The following BIRC2 variants were observed in gnomAD, a reference collection of about 807,000 sequenced individuals.
BIRC2 encodes baculoviral IAP repeat containing 2.
Under a neutral mutation model 60.9 loss-of-function variants are expected in BIRC2, and 18 were observed. The ratio of observed to expected loss-of-function variants is 0.30; its 90% CI spans 0.20 to 0.44. The LOEUF is 0.44. BIRC2 is among the 20% of genes least tolerant of loss of function. The probability of loss-of-function intolerance (pLI) is 1.00; values close to 1 mark genes in which losing one functional copy is unlikely to be tolerated. For missense variants in BIRC2, 701 were observed against 728.5 expected, an observed-to-expected ratio of 0.96 and a Z score of 0.43; for synonymous variants, 282 against 247.7, an observed-to-expected ratio of 1.14 and a Z score of -1.30.
intron 6 of BIRC2, among the ~76,000 whole-genome samples, chr11:102,376,512 TG>T (rs1232239633): frequency 1.3e-5 from 2 of 152,232 alleles, no homozygotes; most frequent in Non-Finnish European, 2.9e-5. Context: ...CTCATTAAAC[TG>T]GTACTTTGTA....
chr11:102,356,200 T>C (rs1023278436), intron 3 of BIRC2, among the ~76,000 whole-genome samples: 41 of 151,186 alleles, frequency 2.7e-4, no homozygotes, highest in South Asian at 4.2e-4. Context: ...GAAAGCTTTT[T>C]TTTTTTTTTT....
chr11:102,374,143 C>T (rs1372107958), intron 6 of BIRC2, among the ~76,000 whole-genome samples: 1 of 150,298 alleles, frequency 6.7e-6, no homozygotes, highest in African/African-American at 2.5e-5. Flanking sequence ...GTAATTTGAT[C>T]GTCTGAAGCC....
At position 102,350,315 on chromosome 11, in the gene BIRC2, C is replaced by T. The variant is rs1306163467; in HGVS notation, c.461C>T (p.Ser154Phe). The T allele has an allele frequency of 6.2e-7, 1 of 1,614,212 alleles. No homozygotes were observed. The highest frequency in any genetic ancestry group is 2.2e-5 in the East Asian group (1 of 44,890). The change falls in exon 2 of 9, where the codon TCC becomes TTC. Residue 154 changes from serine (S) to phenylalanine (F), a missense_variant. Physicochemically the swap from Ser to Phe is radical, Grantham distance 155. Transcript: ENST00000227758. The part of the protein sequence containing the change: ...EHSSLFSGSY[S>F]SLSPNPLNSR... ...AGTAGCTTGTTCAGTGGTTCTTACT[C>T]CAGCCTTTCTCCAAACCCTCTTAAT...
intron 5 of BIRC2, among the ~76,000 whole-genome samples, chr11:102,367,032 CA>C (rs1295534360): frequency 5.9e-5 from 9 of 152,124 alleles, no homozygotes; most frequent in African/African-American, 2.2e-4. Flanking sequence ...TTCCATAGCT[CA>C]CTCCTTTTTC....
Position 102,347,236 on chromosome 11 carries a change from G to C in BIRC2, c.-1398G>C, listed in dbSNP as rs1432500248. 1.3e-5 allele frequency: 2 copies of C among 152,300 alleles called. No homozygotes were observed. The highest frequency in any genetic ancestry group is 2.9e-5 in the Non-Finnish European group (2 of 68,064). 9.4% of individuals were successfully genotyped at this position (152,300 alleles called of 1,614,324 possible). ...GTCATCGTGCGTCAGAGTGAGCCCG[G>C]ATGGGGCGGCGGGCTTCGGGAGCGC... On this transcript the variant is annotated 5_prime_UTR_variant, in exon 1 of 9. Transcript: ENST00000227758.
intron 6 of BIRC2, among the ~76,000 whole-genome samples, chr11:102,373,527 C>T (rs1050296246): frequency 0.016 from 2,417 of 151,634 alleles, 54 homozygotes; most frequent in African/African-American, 0.055. Context: ...GGGTTTCTGC[C>T]GAGAGATCCG....
chr11:102,377,457 TTAAAATC>T (rs1164869801), intron 6 of BIRC2, 32 bp from the exon 7 acceptor site: 2 of 1,554,138 alleles, frequency 1.3e-6, no homozygotes, highest in Admixed American at 2.0e-5. Flanking sequence ...TTAAAGGAGT[TTAAAATC>T]TAATGGATTT....
At chr11:102,366,504 C>A (rs1951554474) in intron 5 of BIRC2, among the ~76,000 whole-genome samples, 1 of 151,936 alleles carries the variant, frequency 6.6e-6, no homozygotes, top group East Asian at 1.9e-4. Context: ...GTAGCTGGGA[C>A]TACAGGCGCC....
rs960568242 is a variant in BIRC2 at position 102,350,333 on chromosome 11, C to G, written c.479C>G (p.Pro160Arg). 2.4e-5 allele frequency: 38 copies of G among 1,614,102 alleles called. No individual in the cohort carries two copies. Among genetic ancestry groups the G allele is most frequent in the African/African-American group, 4.0e-5 (3 of 74,922 alleles). Reference sequence around the variant, plus strand: ...TCTTACTCCAGCCTTTCTCCAAACCCTCTTAATTCTAGAGCAGTTGAAGAC... The same window carrying G: ...TCTTACTCCAGCCTTTCTCCAAACCGTCTTAATTCTAGAGCAGTTGAAGAC... The part of the protein sequence containing the change: ...SGSYSSLSPN[P>R]LNSRAVEDIS... The change falls in exon 2 of 9, where the codon CCT (proline) becomes CGT (arginine). Residue 160 changes from proline to arginine, a missense_variant. This residue lies in a region of BIRC2 where 375 missense variants were observed against 365.9 expected (regional missense o/e 1.02). Transcript: ENST00000227758.
intron 3 of BIRC2, among the ~76,000 whole-genome samples, chr11:102,362,311 G>A (rs1051783476): frequency 4.6e-5 from 7 of 152,024 alleles, no homozygotes; most frequent in Non-Finnish European, 1.0e-4. Flanking sequence ...GAAACAAAAG[G>A]AATAGAATAG....
intron 5 of BIRC2, among the ~76,000 whole-genome samples, chr11:102,364,180 CACACACAGAGAG>C (rs1316186289): frequency 1.4e-5 from 1 of 73,984 alleles, no homozygotes; most frequent in African/African-American, 7.9e-5. Flanking sequence ...TATATACACA[CACACACAGAGAG>C]AGAGAGAGAG....
rs575965531 is a variant in BIRC2 at position 102,356,978 on chromosome 11, G to A, written c.996-5918G>A. Among the ~76,000 whole-genome samples, 5 of 152,234 alleles carry A rather than the reference G, an allele frequency of 3.3e-5. No homozygotes were observed. The East Asian group carries it at 9.6e-4, about 29-fold the overall frequency. On this transcript the variant is annotated intron_variant, in intron 3 of 8. Transcript: ENST00000227758. ...AGCCACTGCACCTGGCTGGTTATATGATTTTTATCCTTCATTTTGTCAATG... is the reference window on the plus strand; with the variant it reads ...AGCCACTGCACCTGGCTGGTTATATAATTTTTATCCTTCATTTTGTCAATG...
In BIRC2 at chr11:102,349,396, A is replaced by G. The variant is rs866753010; in HGVS notation, c.-459A>G. On this transcript the variant is annotated 5_prime_UTR_variant, in exon 2 of 9. The change creates a new upstream start codon in the 5' untranslated region. Transcript: ENST00000227758. ...CTTATAGGGAAAGAAGCCTGCATAT[A>G]ATTTTTTACCTTGTGGCATAATCAG... 8 of 152,872 alleles carry G rather than the reference A, an allele frequency of 5.2e-5. No homozygotes were observed. The highest frequency in any genetic ancestry group is 1.9e-4 in the African/African-American group (8 of 41,444). 9.5% of individuals were successfully genotyped at this position (152,872 alleles called of 1,614,324 possible).
In BIRC2 at chr11:102,378,194, T is replaced by G. The variant is rs375096743; in HGVS notation, c.*11T>G. ...ACATTTCTCTCTTAAAGAAAAATAG[T>G]CTATATTTTAACCTGCATAAAAAGG... On this transcript the variant is annotated 3_prime_UTR_variant, in exon 9 of 9. Transcript: ENST00000227758. 11 of 1,567,208 alleles carry G rather than the reference T, an allele frequency of 7.0e-6. No individual in the cohort carries two copies. In the African/African-American group the frequency reaches 1.5e-4, roughly 22 times the overall value.
intron 5 of BIRC2, among the ~76,000 whole-genome samples, chr11:102,367,810 T>C (rs1354927753): frequency 2.0e-5 from 3 of 152,226 alleles, no homozygotes; most frequent in Non-Finnish European, 2.9e-5. Context: ...CTTCCCATTT[T>C]TGTTTATGTT....
chr11:102,359,320 A>G (rs1951458512), intron 3 of BIRC2, among the ~76,000 whole-genome samples: 3 of 152,186 alleles, frequency 2.0e-5, no homozygotes, highest in African/African-American at 7.2e-5. Flanking sequence ...TATTGAAGCT[A>G]TAGTTATTTT....
chr11:102,359,007 T>C (rs1194217495), intron 3 of BIRC2, among the ~76,000 whole-genome samples: 1 of 152,234 alleles, frequency 6.6e-6, no homozygotes, highest in East Asian at 1.9e-4. Flanking sequence ...GTAATTGTTT[T>C]CTGATTGTTT....
At chr11:102,377,003 G>C (rs181131329) in intron 6 of BIRC2, among the ~76,000 whole-genome samples, 10 of 152,142 alleles carry the variant, frequency 6.6e-5, no homozygotes, top group Admixed American at 5.2e-4. Flanking sequence ...AAGAACACTG[G>C]TCTAGGATGC....
At chr11:102,363,508 C>T (rs1210813484) in intron 4 of BIRC2, among the ~76,000 whole-genome samples, 160 bp from the exon 5 acceptor site, 1 of 152,132 alleles carries the variant, frequency 6.6e-6, no homozygotes, top group Non-Finnish European at 1.5e-5. Context: ...TTAAGGAAAT[C>T]TATGTGATTA....
Sources: gnomAD v4.1 joint callset for allele counts (sites outside exome capture counted in the v4.1 genomes callset) on GRCh38, gnomAD v4.1.1 for gene constraint, gnomAD v4.1.1 regional missense constraint, MANE v1.5 for transcripts, NCBI Gene and HGNC (gene_info 2026-07-23, HGNC 2026-07-21) for gene names.